The following FRYL variants were observed in gnomAD, a reference collection of about 807,000 sequenced individuals.
FRYL encodes the protein FRY like transcription coactivator.
Under a neutral mutation model 351.2 loss-of-function variants are expected in FRYL, and 150 were observed. That is an observed-to-expected ratio of 0.43 (90% CI 0.37 to 0.49). The LOEUF (loss-of-function observed/expected upper bound fraction) is 0.49, where lower values mean the gene tolerates loss of function less well. Among genes scored for constraint, FRYL ranks in the 20% least tolerant of loss-of-function variants. The pLI is 0.00. For synonymous variants in FRYL, 1,153 were observed against 1,257.1 expected (o/e 0.92, Z 1.75); for missense variants, 3,036 against 3,619.3 (o/e 0.84, Z 4.13).
chr4:48,642,148 C>T (rs1418485279), intron 3 of FRYL, among the ~76,000 whole-genome samples: 2 of 151,974 alleles, frequency 1.3e-5, no homozygotes, highest in African/African-American at 4.8e-5. Context: ...TGTGTTAGTA[C>T]CAGACTTTTT....
In FRYL at chr4:48,606,097, G is replaced by GA. The variant is rs59467789; in HGVS notation, c.742-265dup. Among the ~76,000 whole-genome samples the GA allele has an allele frequency of 3.1e-4, 18 of 57,538 alleles. 1 individual carries two copies. Among genetic ancestry groups the GA allele is most frequent in the African/African-American group, 1.2e-3 (18 of 15,276 alleles). 37.7% of individuals were successfully genotyped at this position (57,538 alleles called of 152,430 possible). The stretch of plus-strand genomic sequence containing the variant: ...ATGGTGAAATCCCGTCTCTACTAAA[G>GA]AAAAAAAAAAAAAAAAAAAAAAAAA... On this transcript the variant is annotated intron_variant, in intron 10 of 63. Transcript: ENST00000358350.
Position 48,575,014 on chromosome 4 carries a change from G to A in FRYL, c.2846+103C>T, listed in dbSNP as rs772602112. Reference sequence around the variant, plus strand: ...AAAGTCAGGCCTGGTATGCGGTCAAGCACTCTGCTTGACCCTACCACACCT... The same window carrying A: ...AAAGTCAGGCCTGGTATGCGGTCAAACACTCTGCTTGACCCTACCACACCT... On this transcript the variant is annotated intron_variant, in intron 25 of 63. Coordinates refer to ENST00000358350, the MANE Select transcript of FRYL (RefSeq NM_015030.2). 1.6e-5 allele frequency: 16 copies of A among 1,029,262 alleles called. No homozygotes were observed. The Admixed American group carries it at 1.7e-4, about 11-fold the overall frequency. 63.8% of individuals were successfully genotyped at this position (1,029,262 alleles called of 1,614,324 possible). A position where few individuals can be genotyped will look rare whatever the true frequency, so the allele number is the denominator to read the frequency against.
chr4:48,577,974 T>C (rs1578198325), intron 23 of FRYL, among the ~76,000 whole-genome samples: 1 of 150,768 alleles, frequency 6.6e-6, no homozygotes, highest in East Asian at 1.9e-4. Flanking sequence ...TATGTAGAAA[T>C]ATATATACAT....
At chr4:48,616,131 T>C (rs1749378793) in intron 7 of FRYL, among the ~76,000 whole-genome samples, 2 of 151,812 alleles carry the variant, frequency 1.3e-5, no homozygotes, top group Non-Finnish European at 2.9e-5. Context: ...GATGGGTTGA[T>C]GGGTGCAGCA....
Position 48,780,250 on chromosome 4 carries a change from T to G in FRYL, c.-556A>C, listed in dbSNP as rs1776532811. ...CTCTGATTTTAACCGGATTTCTCTC[T>G]CGCTCTCTCCCAGAGCCCGACGGGC... On this transcript the variant is annotated 5_prime_UTR_variant, in exon 1 of 64. Transcript: ENST00000358350. 2.0e-5 allele frequency: 3 copies of G among 152,644 alleles called. No individual in the cohort carries two copies. Among genetic ancestry groups the G allele is most frequent in the Admixed American group, 2.0e-4 (3 of 15,276 alleles). 9.5% of individuals were successfully genotyped at this position (152,644 alleles called of 1,614,324 possible).
chr4:48,565,063 A>C lies in FRYL; in HGVS notation c.3331-20T>G. 1 of 1,376,490 alleles carries C rather than the reference A, an allele frequency of 7.3e-7. No individual in the cohort carries two copies. The highest frequency in any genetic ancestry group is 9.9e-7 in the Non-Finnish European group (1 of 1,005,616). The allele number at this position is 1,376,490 out of a possible 1,614,324, so 85.3% of individuals were successfully genotyped here. On this transcript the variant is annotated intron_variant, in intron 29 of 63. Coordinates refer to ENST00000358350, the MANE Select transcript of FRYL (RefSeq NM_015030.2). ...CATAGCCTTCAAATAATAATATTAG[A>C]ATTACATTTAACAAATTTAAGAGGT...
chr4:48,756,765 C>G (rs528448747), intron 1 of FRYL, among the ~76,000 whole-genome samples: 1 of 152,102 alleles, frequency 6.6e-6, no homozygotes. Context: ...CTAGGCAACA[C>G]AGTAAGACCC....
intron 3 of FRYL, among the ~76,000 whole-genome samples, chr4:48,634,860 A>G (rs939364090): frequency 9.8e-5 from 15 of 152,320 alleles, no homozygotes; most frequent in Middle Eastern, 3.4e-3. Flanking sequence ...GTCAAATGCA[A>G]TAAAGGAAAT....
At chr4:48,573,037 A>C in intron 26 of FRYL, 149 bp downstream of exon 26, 2 of 599,836 alleles carry the variant, frequency 3.3e-6, no homozygotes, top group Non-Finnish European at 5.8e-6. Flanking sequence ...GGGTTTCTGC[A>C]TAAGATCTTC....
rs1334511560 is a variant in FRYL at position 48,578,978 on chromosome 4, A to G, written c.2523T>C (p.Asp841=). ...TRLQLLSPQV[D]INSPINAKKV... Reference sequence around the variant, plus strand: ...ACACTAGGAAAATAACTTACTTTATATCGACCTGAGGGGACAACAACTGAA... The same window carrying G: ...ACACTAGGAAAATAACTTACTTTATGTCGACCTGAGGGGACAACAACTGAA... The change falls in exon 23 of 64, where the codon GAT becomes GAC. Residue 841 remains aspartate (D), a synonymous_variant. Transcript: ENST00000358350. The G allele has an allele frequency of 3.1e-6, 5 of 1,593,528 alleles. No individual in the cohort carries two copies. Among genetic ancestry groups the G allele is most frequent in the Non-Finnish European group, 4.3e-6 (5 of 1,172,964 alleles).
chr4:48,553,302 C>T lies in FRYL; in HGVS notation c.4348G>A (p.Asp1450Asn), dbSNP rs757895809. 3.7e-6 allele frequency: 6 copies of T among 1,612,630 alleles called. No individual in the cohort carries two copies. Among genetic ancestry groups the T allele is most frequent in the East Asian group, 2.2e-5 (1 of 44,866 alleles). ...EELVSELQLTDPVSSGVTHMD... is the reference protein window; with the variant it reads ...EELVSELQLTNPVSSGVTHMD... ...TGAGTGACCCCTGAACTGACAGGAT[C>T]GGTCAGCTGAAGCTCACTCACCAGC... Residue 1450 changes from aspartate (D) to asparagine (N), a missense_variant, in exon 36 of 64, where the codon GAT becomes AAT. By Grantham distance (23) the Asp-to-Asn change is conservative. Around this residue, in one of 7 missense-constraint regions of FRYL, gnomAD observed 1,987 missense variants for 2,311.7 expected, o/e 0.86. Transcript: ENST00000358350.
intron 1 of FRYL, among the ~76,000 whole-genome samples, chr4:48,719,372 T>TTA (rs1769213360): frequency 6.6e-6 from 1 of 151,630 alleles, no homozygotes. Flanking sequence ...AAAATCATTT[T>TTA]TAAAGTAGAA....
Position 48,606,559 on chromosome 4 carries a change from C to T in FRYL, c.620G>A (p.Arg207Gln), listed in dbSNP as rs1013279730. The change falls in exon 10 of 64, where the codon CGA (arginine) becomes CAA (glutamine). Residue 207 changes from arginine (R) to glutamine (Q), a missense_variant. By Grantham distance (43) the Arg-to-Gln change is conservative (BLOSUM62 1). Around this residue, in one of 7 missense-constraint regions of FRYL, gnomAD observed 457 missense variants for 566.6 expected, o/e 0.81. Transcript: ENST00000358350. ...CACATGTGGGCTTTGTTCCTTTTGT[C>T]GCAGTTCTTTTAATTCTGTCACAAA... ...KKFVTELKEL[R>Q]QKEQSPHVVQ... The T allele has an allele frequency of 6.2e-6, 10 of 1,612,502 alleles. No homozygotes were observed. The African/African-American group carries it at 8.0e-5, about 13-fold the overall frequency.
chr4:48,623,093 G>T, intron 5 of FRYL, 33 bp downstream of exon 5: 1 of 1,457,708 alleles, frequency 6.9e-7, no homozygotes, highest in Non-Finnish European at 9.4e-7. Flanking sequence ...ACTATTTCCA[G>T]GGGAAAAAAA....
At chr4:48,611,703 G>C (rs1239372523) in intron 7 of FRYL, among the ~76,000 whole-genome samples, 1 of 151,976 alleles carries the variant, frequency 6.6e-6, no homozygotes, top group Non-Finnish European at 1.5e-5. Context: ...GAGCTGCAAT[G>C]AATCTATAAA....
At chr4:48,674,956 C>A (rs1763339329) in intron 3 of FRYL, among the ~76,000 whole-genome samples, 1 of 152,166 alleles carries the variant, frequency 6.6e-6, no homozygotes, top group African/African-American at 2.4e-5. Flanking sequence ...AAGGCCTTAT[C>A]TTGCAAGGCA....
chr4:48,735,922 G>A (rs1771317257), intron 1 of FRYL, among the ~76,000 whole-genome samples: 1 of 111,294 alleles, frequency 9.0e-6, no homozygotes, highest in African/African-American at 3.5e-5. Flanking sequence ...GTATACATAT[G>A]TAACTAACCT....
At position 48,501,515 on chromosome 4, in the gene FRYL, G is replaced by T. The variant is rs374467073; in HGVS notation, c.8592+108C>A. ...ATTATTCCTTAACTAAAAGAAAAAA[G>T]ACTCACTCTAAGTGACTTTTGACTT... On this transcript the variant is annotated intron_variant, in intron 62 of 63. Transcript: ENST00000358350. 5.8e-6 allele frequency: 4 copies of T among 689,710 alleles called. No individual in the cohort carries two copies. The South Asian group carries it at 6.5e-5, about 11-fold the overall frequency. The allele number at this position is 689,710 out of a possible 1,614,324, so 42.7% of individuals were successfully genotyped here.
chr4:48,700,438 G>A (rs1283878722), intron 2 of FRYL, among the ~76,000 whole-genome samples: 1 of 152,032 alleles, frequency 6.6e-6, no homozygotes, highest in Non-Finnish European at 1.5e-5. Flanking sequence ...TACATTTTAA[G>A]CCTTTCATAA....
Sources: gnomAD v4.1 joint callset for allele counts (sites outside exome capture counted in the v4.1 genomes callset) on GRCh38, gnomAD v4.1.1 for gene constraint, gnomAD v4.1.1 regional missense constraint, MANE v1.5 for transcripts, NCBI Gene and HGNC (gene_info 2026-07-23, HGNC 2026-07-21) for gene names.